Variants in RIMKLB observed in about 807,000 individuals in gnomAD.
The protein encoded by RIMKLB is ribosomal modification protein rimK like family member B, also known as beta-citrylglutamate synthase B.
A neutral mutation model predicts 32.0 loss-of-function variants in RIMKLB; 7 were observed. That is an observed-to-expected ratio of 0.22 (90% CI 0.12 to 0.41). The LOEUF (loss-of-function observed/expected upper bound fraction) is 0.41, where lower values mean the gene tolerates loss of function less well. Ranked by LOEUF, RIMKLB falls within the 10% of genes least tolerant of loss-of-function variation. The probability of loss-of-function intolerance (pLI) is 1.00; values close to 1 mark genes in which losing one functional copy is unlikely to be tolerated. For synonymous variants in RIMKLB, 172 were observed against 185.1 expected (o/e 0.93, Z 0.57); for missense variants, 289 against 498.7 (o/e 0.58, Z 4.00).
In RIMKLB at chr12:8,773,958, T is replaced by C. The variant is rs1950584273; in HGVS notation, c.*174T>C. ...GAGACCTCTGCTAGTAAGATGTTAC[T>C]TTCATTTACAAATCCTACAAATAGA... On this transcript the variant is annotated 3_prime_UTR_variant, in exon 6 of 6. Coordinates refer to ENST00000535829, the MANE Select transcript of RIMKLB (RefSeq NM_001297776.2). 1.4e-6 allele frequency: 2 copies of C among 1,404,128 alleles called. No homozygotes were observed. Among genetic ancestry groups the C allele is most frequent in the Non-Finnish European group, 1.8e-6 (2 of 1,083,104 alleles). 87.0% of individuals were successfully genotyped at this position (1,404,128 alleles called of 1,614,324 possible).
intron 2 of RIMKLB, among the ~76,000 whole-genome samples, chr12:8,729,464 C>T (rs1591777136): frequency 6.6e-6 from 1 of 152,082 alleles, no homozygotes; most frequent in Non-Finnish European, 1.5e-5. Context: ...TGATATCTAA[C>T]CATAGTCTCC....
chr12:8,777,375 GTT>G, downstream of RIMKLB: 1 of 984,448 alleles, frequency 1.0e-6, no homozygotes, highest in Non-Finnish European at 1.2e-6. Context: ...AATTTGAAAT[GTT>G]TTTAGTTTTG....
At chr12:8,702,364 T>C (rs1943483893) in intron 1 of RIMKLB, among the ~76,000 whole-genome samples, 1 of 152,228 alleles carries the variant, frequency 6.6e-6, no homozygotes, top group African/African-American at 2.4e-5. Context: ...AAAATCTGTT[T>C]AAACATTTAC....
chr12:8,686,936 C>A (rs1378270425), intron 1 of RIMKLB, among the ~76,000 whole-genome samples: 1 of 152,158 alleles, frequency 6.6e-6, no homozygotes, highest in African/African-American at 2.4e-5. Flanking sequence ...CAATGTATAA[C>A]AAAATGAAGA....
chr12:8,700,859 A>G (rs113710011), intron 1 of RIMKLB, among the ~76,000 whole-genome samples: 6,167 of 152,260 alleles, frequency 0.041, 181 homozygotes, highest in Middle Eastern at 0.068. Flanking sequence ...TGAGGTCAGG[A>G]GTTTGAAACC....
chr12:8,691,754 T>C (rs1942739937), intron 1 of RIMKLB, among the ~76,000 whole-genome samples: 1 of 152,182 alleles, frequency 6.6e-6, no homozygotes, highest in South Asian at 2.1e-4. Context: ...GTCTAAGTCT[T>C]TCATTGTACA....
At chr12:8,781,210 G>A (rs764527813), downstream of RIMKLB, among the ~76,000 whole-genome samples, 24 of 152,164 alleles carry the variant, frequency 1.6e-4, no homozygotes, top group East Asian at 2.3e-3. Context: ...ACGTGGTGGC[G>A]GGCACTTGTA....
At chr12:8,752,235 A>G (rs1349951962) in intron 4 of RIMKLB, among the ~76,000 whole-genome samples, 192 bp downstream of exon 4, 1 of 152,226 alleles carries the variant, frequency 6.6e-6, no homozygotes, top group Non-Finnish European at 1.5e-5. Context: ...TTTAACATAC[A>G]TACTTAGACT....
chr12:8,742,724 C>T (rs1947678114), intron 2 of RIMKLB: 1 of 224,244 alleles, frequency 4.5e-6, no homozygotes, highest in Non-Finnish European at 8.9e-6. Flanking sequence ...TGGAGCCACT[C>T]CTGTTGCTGG....
intron 2 of RIMKLB, among the ~76,000 whole-genome samples, chr12:8,720,630 C>G (rs1945346830): frequency 6.6e-6 from 1 of 152,180 alleles, no homozygotes; most frequent in African/African-American, 2.4e-5. Context: ...CAACCTCTGT[C>G]TCGGGTTCAA....
At chr12:8,699,281 G>A (rs12303275) in intron 1 of RIMKLB, among the ~76,000 whole-genome samples, 10,797 of 152,016 alleles carry the variant, frequency 0.071, 1,242 homozygotes, top group African/African-American at 0.24. Context: ...TGTGGGCTTG[G>A]TATGTTCATT....
chr12:8,776,346 A>G lies in RIMKLB; in HGVS notation c.*2562A>G. 1.0e-6 allele frequency: 1 copy of G among 982,894 alleles called. No homozygotes were observed. Among genetic ancestry groups the G allele is most frequent in the Non-Finnish European group, 1.2e-6 (1 of 827,592 alleles). The allele number at this position is 982,894 out of a possible 1,614,324, so 60.9% of individuals were successfully genotyped here. A position where few individuals can be genotyped will look rare whatever the true frequency, so the allele number is the denominator to read the frequency against. The stretch of plus-strand genomic sequence containing the variant: ...GGATATCTTCTTGAATTCCTTCAAG[A>G]TTGAGGTAGAGAATAAGAGCAAATC... On this transcript the variant is annotated 3_prime_UTR_variant, in exon 6 of 6. Coordinates refer to ENST00000535829, the MANE Select transcript of RIMKLB (RefSeq NM_001297776.2).
intron 3 of RIMKLB, among the ~76,000 whole-genome samples, 188 bp downstream of exon 3, chr12:8,750,280 T>C (rs1948506259): frequency 2.0e-5 from 3 of 152,180 alleles, no homozygotes; most frequent in Admixed American, 1.3e-4. Flanking sequence ...TAGAAAACTT[T>C]TTCTGTAAAG....
chr12:8,681,368 C>A (rs963433322), upstream of RIMKLB, among the ~76,000 whole-genome samples: 1 of 152,078 alleles, frequency 6.6e-6, no homozygotes, highest in African/African-American at 2.4e-5. Flanking sequence ...ATAAGAAATA[C>A]ATTTGGTCTT....
intron 2 of RIMKLB, chr12:8,742,885 T>C (rs1947696500): frequency 5.7e-6 from 1 of 175,554 alleles, no homozygotes; most frequent in Non-Finnish European, 1.2e-5. Flanking sequence ...TAACAGATTC[T>C]CTGCACTGTG....
At chr12:8,698,328 T>G (rs763994578) in intron 1 of RIMKLB, 31 bp downstream of exon 1, 5 of 259,548 alleles carry the variant, frequency 1.9e-5, no homozygotes, top group South Asian at 1.1e-4. Context: ...TGCCCTCGGG[T>G]GTAGAGCAGT....
At chr12:8,758,192 C>G (rs1158475810) in intron 5 of RIMKLB, among the ~76,000 whole-genome samples, 1 of 151,716 alleles carries the variant, frequency 6.6e-6, no homozygotes, top group African/African-American at 2.4e-5. Flanking sequence ...CTATGAATTG[C>G]CTGTTCAGGT....
upstream of RIMKLB, among the ~76,000 whole-genome samples, chr12:8,695,199 GCCCCGCCCC>G (rs1942850784): frequency 1.5e-5 from 1 of 67,170 alleles, no homozygotes; most frequent in Non-Finnish European, 3.1e-5. Context: ...CCGCCCCCCC[GCCCCGCCCC>G]GCCCGGCCCC....
intron 1 of RIMKLB, among the ~76,000 whole-genome samples, chr12:8,702,629 T>C (rs1474142095): frequency 6.6e-6 from 1 of 151,994 alleles, no homozygotes; most frequent in Non-Finnish European, 1.5e-5. Context: ...TTTTGAGGAG[T>C]ATTTGAATTT....
Sources: gnomAD v4.1 joint callset for allele counts (sites outside exome capture counted in the v4.1 genomes callset) on GRCh38, gnomAD v4.1.1 for gene constraint, MANE v1.5 for transcripts, NCBI Gene and HGNC (gene_info 2026-07-23, HGNC 2026-07-21) for gene names.